MAML3: variants seen among roughly 807,000 people sequenced by gnomAD.
MAML3 encodes the protein mastermind like transcriptional coactivator 3.
In MAML3, 27 loss-of-function variants were observed where a neutral mutation model predicts 101.9. The observed-to-expected ratio is 0.27, with a 90% CI of 0.20 to 0.37. MAML3 has a LOEUF of 0.37. MAML3 is among the 10% of genes least tolerant of loss of function. The pLI is 1.00. For synonymous variants in MAML3, 501 were observed against 555.9 expected (o/e 0.90, Z 1.39); for missense variants, 1,316 against 1,444.9 (o/e 0.91, Z 1.45).
chr4:140,133,982 T>C (rs770800355), intron 1 of MAML3: 8 of 367,462 alleles, frequency 2.2e-5, no homozygotes, highest in Non-Finnish European at 3.8e-5. Context: ...CTCACCATTT[T>C]CCTCTTTCTC....
chr4:139,949,857 G>C (rs937891380), intron 1 of MAML3, among the ~76,000 whole-genome samples: 1 of 152,146 alleles, frequency 6.6e-6, no homozygotes, highest in Non-Finnish European at 1.5e-5. Context: ...TGTGATTAAC[G>C]TTGAAATTAG....
rs1727999483 is a variant in MAML3 at position 139,717,024 on chromosome 4, T to C, written c.*2299A>G. On this transcript the variant is annotated 3_prime_UTR_variant, in exon 5 of 5. Transcript: ENST00000509479. ...TAAGGAATGAAATAAAAATACTCTA[T>C]TTTAAACAAACAGTATATATATATT... 6.6e-6 allele frequency: 1 copy of C among 152,584 alleles called. No individual in the cohort carries two copies. Among genetic ancestry groups the C allele is most frequent in the Non-Finnish European group, 1.5e-5 (1 of 68,032 alleles). The allele number at this position is 152,584 out of a possible 1,614,324, so 9.5% of individuals were successfully genotyped here.
intron 1 of MAML3, among the ~76,000 whole-genome samples, chr4:139,978,783 TC>T (rs35117859): frequency 1.3e-5 from 2 of 151,192 alleles, no homozygotes; most frequent in African/African-American, 2.4e-5. Flanking sequence ...ATGGATGACA[TC>T]CCCCCCAGAG....
chr4:139,896,166 A>G (rs769293004), intron 1 of MAML3, among the ~76,000 whole-genome samples: 2 of 152,098 alleles, frequency 1.3e-5, no homozygotes, highest in East Asian at 3.9e-4. Context: ...GTGGCTGAGA[A>G]GGCTGATTCA....
chr4:140,124,383 A>G (rs1728654122), intron 1 of MAML3, among the ~76,000 whole-genome samples: 1 of 152,184 alleles, frequency 6.6e-6, no homozygotes, highest in African/African-American at 2.4e-5. Flanking sequence ...CGTGGCTCTT[A>G]GCTGGTGCCT....
At chr4:140,097,234 G>C (rs941095260) in intron 1 of MAML3, among the ~76,000 whole-genome samples, 3 of 152,182 alleles carry the variant, frequency 2.0e-5, no homozygotes, top group African/African-American at 7.2e-5. Flanking sequence ...CATAAGAGAT[G>C]AGTCTATTTC....
rs4057112 is a variant in MAML3 at position 139,967,469 on chromosome 4, G to GACACACACACAC, written c.469-76514_469-76503dup. ...AATGTTGTTAGTTTTCTTTTTAAGG[G>GACACACACACAC]ACACACACACACACACACACACACA... On this transcript the variant is annotated intron_variant, in intron 1 of 4. Coordinates refer to ENST00000509479, the MANE Select transcript of MAML3 (RefSeq NM_018717.5). Among the ~76,000 whole-genome samples the GACACACACACAC allele has an allele frequency of 2.0e-3, 287 of 141,552 alleles. 1 individual carries two copies. The highest frequency in any genetic ancestry group is 4.1e-3 in the Admixed American group (57 of 13,856). The allele number at this position is 141,552 out of a possible 152,430, so 92.9% of individuals were successfully genotyped here. A position where few individuals can be genotyped will look rare whatever the true frequency, so the allele number is the denominator to read the frequency against.
intron 2 of MAML3, among the ~76,000 whole-genome samples, chr4:139,852,412 T>G (rs902993310): frequency 2.2e-5 from 3 of 135,190 alleles, no homozygotes; most frequent in Admixed American, 7.3e-5. Flanking sequence ...TGTTTTTTTT[T>G]TTTTTTTTTT....
At position 140,084,332 on chromosome 4, in the gene MAML3, C is replaced by T. The variant is rs1338420405; in HGVS notation, c.468+68528G>A. ...ATCACTTAAATATTTTATTTGTTTA[C>T]AAAACTCTTCTCAACTATTTTTGAT... is the stretch of plus-strand genomic sequence containing the variant. On this transcript the variant is annotated intron_variant, in intron 1 of 4. Coordinates refer to ENST00000509479, the MANE Select transcript of MAML3 (RefSeq NM_018717.5). Among the ~76,000 whole-genome samples, 5 of 152,174 alleles carry T rather than the reference C, an allele frequency of 3.3e-5. No individual in the cohort carries two copies. The South Asian group carries it at 1.0e-3, about 31-fold the overall frequency.
intron 3 of MAML3, among the ~76,000 whole-genome samples, chr4:139,726,988 A>C (rs183905039): frequency 2.6e-5 from 4 of 152,350 alleles, no homozygotes; most frequent in Admixed American, 6.5e-5. Flanking sequence ...ATATTCATTA[A>C]GCACCTTTCA....
chr4:139,926,856 C>T (rs1733273195), intron 1 of MAML3, among the ~76,000 whole-genome samples: 1 of 152,194 alleles, frequency 6.6e-6, no homozygotes, highest in African/African-American at 2.4e-5. Flanking sequence ...ATCTTTTCCA[C>T]CACTGTCATT....
At chr4:139,832,094 CTTTTTTTTTTTTTTTTT>C (rs70943444) in intron 2 of MAML3, among the ~76,000 whole-genome samples, 1 of 64,682 alleles carries the variant, frequency 1.5e-5, no homozygotes, top group African/African-American at 4.2e-5. Flanking sequence ...TGCCCAGCCC[CTTTTTTTTTTTTTTTTT>C]TTTTTTTTTT....
At chr4:139,873,157 T>C (rs892498560) in intron 2 of MAML3, among the ~76,000 whole-genome samples, 2 of 152,204 alleles carry the variant, frequency 1.3e-5, no homozygotes, top group African/African-American at 4.8e-5. Context: ...AAAGCAAGGC[T>C]TCACATTTGA....
intron 1 of MAML3, among the ~76,000 whole-genome samples, chr4:140,096,293 T>C (rs1258332444): frequency 6.6e-6 from 1 of 152,186 alleles, no homozygotes. Flanking sequence ...TGATTAGACA[T>C]CCTTTATTCT....
chr4:139,733,830 G>A (rs1266520932), intron 2 of MAML3, among the ~76,000 whole-genome samples: 1 of 152,106 alleles, frequency 6.6e-6, no homozygotes, highest in Non-Finnish European at 1.5e-5. Flanking sequence ...GGGACTACAG[G>A]TTTAAGCCAC....
intron 1 of MAML3, chr4:140,134,563 C>T (rs1403630638): frequency 1.2e-5 from 4 of 346,226 alleles, no homozygotes; most frequent in Non-Finnish European, 1.7e-5. Context: ...CTTGCAGAGC[C>T]CAGTGTTAAA....
chr4:139,807,779 C>T (rs1361423269), intron 2 of MAML3, among the ~76,000 whole-genome samples: 2 of 152,176 alleles, frequency 1.3e-5, no homozygotes, highest in Non-Finnish European at 2.9e-5. Context: ...AGAAGGTTGA[C>T]TTTATTATTA....
intron 2 of MAML3, among the ~76,000 whole-genome samples, chr4:139,856,094 A>G (rs2111160408): frequency 6.6e-6 from 1 of 152,288 alleles, no homozygotes; most frequent in African/African-American, 2.4e-5. Context: ...AAGAGACTAA[A>G]AGCTCCTGGA....
intron 1 of MAML3, among the ~76,000 whole-genome samples, chr4:140,068,585 T>C (rs1377169498): frequency 6.6e-6 from 1 of 152,206 alleles, no homozygotes; most frequent in Non-Finnish European, 1.5e-5. Context: ...ATGAAACGAA[T>C]ATGGATTTAA....
Sources: allele counts gnomAD v4.1 joint callset (sites outside exome capture counted in the v4.1 genomes callset), GRCh38; gene constraint gnomAD v4.1.1; transcripts MANE v1.5; gene names NCBI Gene and HGNC (gene_info 2026-07-23, HGNC 2026-07-21).